Variants in GPATCH8 observed in about 807,000 individuals in gnomAD.
GPATCH8 encodes G patch domain-containing protein 8.
GPATCH8 carries 18 observed loss-of-function variants against 118.3 expected under a neutral mutation model. The observed-to-expected ratio is 0.15, with a 90% CI of 0.11 to 0.23. GPATCH8 has a LOEUF of 0.23. Among genes scored for constraint, GPATCH8 ranks in the 10% least tolerant of loss-of-function variants. The pLI, the probability that GPATCH8 is intolerant of heterozygous loss-of-function variation, is 1.00. For synonymous variants in GPATCH8, 659 were observed against 684.7 expected, an observed-to-expected ratio of 0.96 and a Z score of 0.59; for missense variants, 1,631 against 1,873.8, an observed-to-expected ratio of 0.87 and a Z score of 2.39.
chr17:44,476,847 AAC>A (rs2144392204), intron 1 of GPATCH8, among the ~76,000 whole-genome samples: 1 of 152,356 alleles, frequency 6.6e-6, no homozygotes, highest in African/African-American at 2.4e-5. Context: ...AGCTGCAGAC[AAC>A]TAAGAAGTTA....
At position 44,400,007 on chromosome 17, in the gene GPATCH8, T is replaced by C. The variant is rs138704529; in HGVS notation, c.2070A>G (p.Lys690=). The part of the protein sequence containing the change: ...KHKKSSKHKR[K]HKADTEEKSS... ...TTTTCTCTTCTGTGTCAGCCTTGTG[T>C]TTACGTTTGTGTTTGCTGGATTTTT... Residue 690 remains lysine (K), a synonymous_variant, in exon 8 of 8, where the codon AAA becomes AAG. Transcript: ENST00000591680. 146 of 1,614,092 alleles carry C rather than the reference T, an allele frequency of 9.0e-5. 1 individual carries two copies. In the African/African-American group the frequency reaches 1.8e-3, roughly 20 times the overall value.
chr17:44,405,905 TAA>T lies in GPATCH8; in HGVS notation c.623+14_623+15del. On this transcript the variant is annotated intron_variant, in intron 7 of 7. Transcript: ENST00000591680. ...TATAATTATCTGTACAACCCTCTGA[TAA>T]AAAATATCCTCACCATTCAGCTTGT... 6.3e-7 allele frequency: 1 copy of T among 1,577,180 alleles called. No homozygotes were observed. The highest frequency in any genetic ancestry group is 8.7e-7 in the Non-Finnish European group (1 of 1,146,422).
At chr17:44,464,792 T>C (rs1404061505) in intron 2 of GPATCH8, 1 of 475,568 alleles carries the variant, frequency 2.1e-6, no homozygotes, top group East Asian at 3.8e-5. Flanking sequence ...GCAACTTTTG[T>C]ATATAACATT....
At chr17:44,456,056 T>C (rs2051319209) in intron 3 of GPATCH8, among the ~76,000 whole-genome samples, 2 of 152,060 alleles carry the variant, frequency 1.3e-5, no homozygotes, top group Admixed American at 6.6e-5. Context: ...CAAAAAATGA[T>C]TTTTCTTAAG....
chr17:44,456,161 G>A (rs1040705584), intron 3 of GPATCH8, among the ~76,000 whole-genome samples: 48 of 152,142 alleles, frequency 3.2e-4, no homozygotes, highest in African/African-American at 1.1e-3. Context: ...CTAAGGTGCA[G>A]GAAGTGCAGT....
At chr17:44,502,653 C>A (rs552175419) in intron 1 of GPATCH8, among the ~76,000 whole-genome samples, 1 of 152,266 alleles carries the variant, frequency 6.6e-6, no homozygotes, top group East Asian at 1.9e-4. Flanking sequence ...TCTCACAAAT[C>A]TTTCGAGATA....
At chr17:44,488,560 G>A (rs1290222075) in intron 1 of GPATCH8, among the ~76,000 whole-genome samples, 9 of 150,022 alleles carry the variant, frequency 6.0e-5, no homozygotes, top group South Asian at 2.1e-4. Flanking sequence ...TAATAGAGAC[G>A]GGGTTTCACC....
intron 2 of GPATCH8, among the ~76,000 whole-genome samples, chr17:44,466,226 T>C (rs1216066791): frequency 6.6e-6 from 1 of 152,102 alleles, no homozygotes; most frequent in Non-Finnish European, 1.5e-5. Flanking sequence ...CACGATGATC[T>C]AGAACTCCTG....
intron 3 of GPATCH8, among the ~76,000 whole-genome samples, chr17:44,445,522 T>C (rs1326732953): frequency 6.6e-6 from 1 of 151,310 alleles, no homozygotes; most frequent in Middle Eastern, 3.2e-3. Flanking sequence ...TTTCCCCCCC[T>C]AAGATGGAGT....
chr17:44,415,340 C>A (rs994098999), intron 6 of GPATCH8, among the ~76,000 whole-genome samples: 1 of 152,130 alleles, frequency 6.6e-6, no homozygotes, highest in Non-Finnish European at 1.5e-5. Context: ...ATACTTAGAA[C>A]TGGAAGTGTT....
At chr17:44,438,808 T>G (rs1037067864) in intron 3 of GPATCH8, 1 of 152,388 alleles carries the variant, frequency 6.6e-6, no homozygotes, top group African/African-American at 2.4e-5. Flanking sequence ...AAGTTAACAG[T>G]TGGGCTTTGT....
At chr17:44,414,079 ATG>A (rs1555624871) in intron 6 of GPATCH8, among the ~76,000 whole-genome samples, 8 of 129,892 alleles carry the variant, frequency 6.2e-5, no homozygotes, top group Admixed American at 1.6e-4. Flanking sequence ...ATATATATAT[ATG>A]TGTGTGTATA....
rs773258827 is a variant in GPATCH8, at chr17:44,436,493, A to G, written c.246T>C (p.Gly82=). Reference sequence around the variant, plus strand: ...ATCAATTTACCTCCATTTCCATGCGACCCATGCCCATGACATCATACTTGA... The same window carrying G: ...ATCAATTTACCTCCATTTCCATGCGGCCCATGCCCATGACATCATACTTGA... ...IVVKYDVMGM[G]RMEMELDYAE... is the part of the protein sequence containing the mutation. Residue 82 remains glycine, a synonymous_variant, in exon 4 of 8, where the codon GGT becomes GGC. Transcript: ENST00000591680. 1 of 1,442,942 alleles carries G rather than the reference A, an allele frequency of 6.9e-7. No homozygotes were observed. Among genetic ancestry groups the G allele is most frequent in the Non-Finnish European group, 9.8e-7 (1 of 1,023,634 alleles). 89.4% of individuals were successfully genotyped at this position (1,442,942 alleles called of 1,614,324 possible).
chr17:44,452,182 G>A (rs199662700), intron 3 of GPATCH8, among the ~76,000 whole-genome samples: 3 of 150,790 alleles, frequency 2.0e-5, no homozygotes, highest in Admixed American at 1.3e-4. Flanking sequence ...CTGAGGCAGG[G>A]GAATTGCTTG....
At chr17:44,425,946 A>C (rs1019332594) in intron 5 of GPATCH8, among the ~76,000 whole-genome samples, 1 of 152,166 alleles carries the variant, frequency 6.6e-6, no homozygotes, top group South Asian at 2.1e-4. Flanking sequence ...AAACCCCACC[A>C]ACTGCATTTT....
Position 44,492,551 on chromosome 17 carries a change from G to A in GPATCH8, c.45+10775C>T, listed in dbSNP as rs576001066. On this transcript the variant is annotated intron_variant, in intron 1 of 7. Coordinates refer to ENST00000591680, the MANE Select transcript of GPATCH8 (RefSeq NM_001002909.4). ...GTAGTCACTACAATCCAGCCTGGGC[G>A]ACAGAGCAAGACTTCGCCTCAAAAA... Among the ~76,000 whole-genome samples, 20 of 151,882 alleles carry A rather than the reference G, an allele frequency of 1.3e-4. 1 individual carries two copies. The South Asian group carries it at 3.7e-3, about 28-fold the overall frequency.
intron 6 of GPATCH8, among the ~76,000 whole-genome samples, chr17:44,423,996 ACT>A (rs2050003906): frequency 6.6e-6 from 1 of 152,172 alleles, no homozygotes; most frequent in African/African-American, 2.4e-5. Context: ...CTGCTGAATA[ACT>A]CTTCAAAGTT....
chr17:44,429,691 A>ACAC (rs375714208), intron 5 of GPATCH8, among the ~76,000 whole-genome samples: 6 of 78,346 alleles, frequency 7.7e-5, no homozygotes, highest in African/African-American at 2.5e-4. Flanking sequence ...CACACAAAAC[A>ACAC]ACAAACAAAC....
chr17:44,444,780 G>A (rs1429762402), intron 3 of GPATCH8, among the ~76,000 whole-genome samples: 1 of 150,936 alleles, frequency 6.6e-6, no homozygotes, highest in Non-Finnish European at 1.5e-5. Context: ...ATCTCACGGG[G>A]GGAAAAAAAG....
Sources: gnomAD v4.1 joint callset for allele counts (sites outside exome capture counted in the v4.1 genomes callset) on GRCh38, gnomAD v4.1.1 for gene constraint, MANE v1.5 for transcripts, NCBI Gene and HGNC (gene_info 2026-07-23, HGNC 2026-07-21) for gene names.